SEMA5B: variants seen among roughly 807,000 people sequenced by gnomAD.
The protein encoded by SEMA5B is semaphorin 5B.
In SEMA5B, 66 loss-of-function variants were observed where a neutral mutation model predicts 135.0. The observed-to-expected ratio is 0.49, with a 90% CI of 0.40 to 0.60. SEMA5B has a LOEUF of 0.60. Among genes scored for constraint, SEMA5B ranks in the 20% least tolerant of loss-of-function variants. The pLI is 0.00. For synonymous variants in SEMA5B, 690 were observed against 639.5 expected (o/e 1.08, Z -1.19); for missense variants, 1,501 against 1,566.3 (o/e 0.96, Z 0.70).
chr3:122,922,923 T>G (rs1192355613), intron 10 of SEMA5B, among the ~76,000 whole-genome samples: 1 of 152,168 alleles, frequency 6.6e-6, no homozygotes, highest in Non-Finnish European at 1.5e-5. Context: ...TTCTCACATA[T>G]CTGTGAGGTA....
chr3:122,916,732 C>G (rs138880698), intron 12 of SEMA5B, among the ~76,000 whole-genome samples: 1 of 152,160 alleles, frequency 6.6e-6, no homozygotes, highest in Admixed American at 6.5e-5. Flanking sequence ...CACCTGGGTA[C>G]TGTCCATGGT....
chr3:123,014,609 C>T (rs1942511680), intron 1 of SEMA5B, among the ~76,000 whole-genome samples: 1 of 152,242 alleles, frequency 6.6e-6, no homozygotes, highest in Non-Finnish European at 1.5e-5. Context: ...CTCCAACCCA[C>T]ACCACCCCAT....
At chr3:123,012,753 C>A (rs1257148633) in intron 1 of SEMA5B, among the ~76,000 whole-genome samples, 2 of 152,210 alleles carry the variant, frequency 1.3e-5, no homozygotes, top group East Asian at 3.9e-4. Flanking sequence ...TCCACACTAC[C>A]TTCCCCCCTC....
At position 122,928,216 on chromosome 3, in the gene SEMA5B, G is replaced by T. The variant is rs190588268; in HGVS notation, c.637-213C>A. On this transcript the variant is annotated intron_variant, in intron 7 of 22. Coordinates refer to ENST00000357599, the MANE Select transcript of SEMA5B (RefSeq NM_001031702.4). The stretch of plus-strand genomic sequence containing the variant: ...GTAGCTCCATCTGCCTCCAGCCCCA[G>T]TCAGGACCCTCCAAGGTAAGGCTGA... Among the ~76,000 whole-genome samples the T allele has an allele frequency of 3.2e-4, 48 of 152,298 alleles. No individual in the cohort carries two copies. In the East Asian group the frequency reaches 8.9e-3, roughly 28 times the overall value.
At position 122,985,961 on chromosome 3, in the gene SEMA5B, G is replaced by C. The variant is rs993764111; in HGVS notation, c.-38-24660C>G. ...TCTGGGAAGATGATAAAAATGAAGTGTTAGTAGAATCAAAAATGACTCAAG... is the reference window on the plus strand; with the variant it reads ...TCTGGGAAGATGATAAAAATGAAGTCTTAGTAGAATCAAAAATGACTCAAG... On this transcript the variant is annotated intron_variant, in intron 1 of 22. Transcript: ENST00000357599. Among the ~76,000 whole-genome samples the C allele has an allele frequency of 2.6e-5, 4 of 152,116 alleles. No homozygotes were observed. In the East Asian group the frequency reaches 7.7e-4, roughly 29 times the overall value.
At position 122,928,033 on chromosome 3, in the gene SEMA5B, T is replaced by C; in HGVS notation, c.637-30A>G. 3 of 1,410,408 alleles carry C rather than the reference T, an allele frequency of 2.1e-6. No individual in the cohort carries two copies. In the African/African-American group the frequency reaches 4.4e-5, roughly 21 times the overall value. 87.4% of individuals were successfully genotyped at this position (1,410,408 alleles called of 1,614,324 possible). ...GGACAATGGGGAGAAGGGGACACTT[T>C]TCCCTGAGGCCCTGGGGCTGCCTGT... On this transcript the variant is annotated intron_variant, in intron 7 of 22. Transcript: ENST00000357599.
chr3:122,975,883 G>A, intron 1 of SEMA5B: 1 of 1,357,852 alleles, frequency 7.4e-7, no homozygotes, highest in Non-Finnish European at 9.9e-7. Context: ...TGCATAGCAA[G>A]GACTCTCCAT....
At chr3:122,985,534 A>C (rs1454873054) in intron 1 of SEMA5B, among the ~76,000 whole-genome samples, 1 of 151,996 alleles carries the variant, frequency 6.6e-6, no homozygotes, top group African/African-American at 2.4e-5. Context: ...AATGAGAAAA[A>C]TGTTGTCCCC....
At chr3:122,980,198 C>T (rs1392077538) in intron 1 of SEMA5B, among the ~76,000 whole-genome samples, 12 of 152,314 alleles carry the variant, frequency 7.9e-5, no homozygotes, top group African/African-American at 2.4e-4. Flanking sequence ...TGGTGGCTCA[C>T]GCCTGTAATC....
intron 5 of SEMA5B, among the ~76,000 whole-genome samples, chr3:122,936,323 G>T (rs562787920): frequency 6.6e-6 from 1 of 152,316 alleles, no homozygotes; most frequent in South Asian, 2.1e-4. Flanking sequence ...GACAATGGCT[G>T]AATGTCAACG....
intron 2 of SEMA5B, among the ~76,000 whole-genome samples, chr3:122,959,613 G>T (rs922646613): frequency 6.6e-6 from 1 of 152,200 alleles, no homozygotes; most frequent in African/African-American, 2.4e-5. Flanking sequence ...TACACCACTT[G>T]GGAAAACAAA....
intron 20 of SEMA5B, 53 bp from the exon 21 acceptor site, chr3:122,911,588 G>T (rs1937711804): frequency 1.3e-6 from 2 of 1,559,464 alleles, no homozygotes; most frequent in Non-Finnish European, 8.7e-7. Context: ...GAGGAGGGGG[G>T]CCCTGCAGGG....
At chr3:122,931,873 C>G (rs1451734814) in intron 5 of SEMA5B, among the ~76,000 whole-genome samples, 1 of 152,166 alleles carries the variant, frequency 6.6e-6, no homozygotes, top group Non-Finnish European at 1.5e-5. Flanking sequence ...TCATGTGATC[C>G]TAAAATGGTT....
At chr3:122,913,137 C>T (rs1937844279) in intron 17 of SEMA5B, 62 bp downstream of exon 17, 2 of 1,444,726 alleles carry the variant, frequency 1.4e-6, no homozygotes, top group African/African-American at 2.9e-5. Context: ...GGGGCTCCCG[C>T]CCCCGCCCTC....
chr3:122,968,385 T>C (rs1170975815), intron 1 of SEMA5B, among the ~76,000 whole-genome samples: 1 of 152,144 alleles, frequency 6.6e-6, no homozygotes, highest in African/African-American at 2.4e-5. Flanking sequence ...CCCAGGCTCT[T>C]TTTTCAGGGT....
chr3:122,996,937 A>G (rs1039350307), intron 1 of SEMA5B, among the ~76,000 whole-genome samples: 6 of 152,190 alleles, frequency 3.9e-5, no homozygotes, highest in Admixed American at 2.6e-4. Flanking sequence ...AGGGAGGATT[A>G]GTTCCCTCTC....
intron 1 of SEMA5B, among the ~76,000 whole-genome samples, chr3:122,977,863 T>C (rs1941384084): frequency 6.6e-6 from 1 of 152,232 alleles, no homozygotes; most frequent in Non-Finnish European, 1.5e-5. Flanking sequence ...CTCCAGATGG[T>C]TGCGATCCAA....
At chr3:122,916,377 A>G (rs1207774185) in intron 12 of SEMA5B, among the ~76,000 whole-genome samples, 1 of 152,182 alleles carries the variant, frequency 6.6e-6, no homozygotes, top group African/African-American at 2.4e-5. Context: ...CCCTGGCTGC[A>G]CATTAGAATC....
At chr3:123,008,661 G>A (rs1171163645) in intron 1 of SEMA5B, among the ~76,000 whole-genome samples, 1 of 152,156 alleles carries the variant, frequency 6.6e-6, no homozygotes, top group Non-Finnish European at 1.5e-5. Flanking sequence ...GCAGTAGGTG[G>A]GGGCTACGCA....
Sources: allele counts gnomAD v4.1 joint callset (sites outside exome capture counted in the v4.1 genomes callset), GRCh38; gene constraint gnomAD v4.1.1; transcripts MANE v1.5; gene names NCBI Gene and HGNC (gene_info 2026-07-23, HGNC 2026-07-21).